Variants in EVPLL observed in about 807,000 individuals in gnomAD.
EVPLL encodes the protein envoplakin-like protein.
In EVPLL, 39 loss-of-function variants were observed where a neutral mutation model predicts 46.2. The observed-to-expected ratio is 0.84, with a 90% CI of 0.65 to 1.10. The LOEUF (loss-of-function observed/expected upper bound fraction) is 1.10. Among genes scored for constraint, EVPLL ranks in the 50% least tolerant of loss-of-function variants. The pLI, the probability that EVPLL is intolerant of heterozygous loss-of-function variation, is 0.00. For missense variants in EVPLL, 385 were observed against 412.6 expected, an observed-to-expected ratio of 0.93 and a Z score of 0.58; for synonymous variants, 156 against 165.8, an observed-to-expected ratio of 0.94 and a Z score of 0.46.
At position 18,377,909 on chromosome 17, in the gene EVPLL, C is replaced by A; in HGVS notation, c.-111C>A. 1 of 1,140,902 alleles carries A rather than the reference C, an allele frequency of 8.8e-7. No homozygotes were observed. The highest frequency in any genetic ancestry group is 1.2e-6 in the Non-Finnish European group (1 of 821,120). The allele number at this position is 1,140,902 out of a possible 1,614,324, so 70.7% of individuals were successfully genotyped here. A position where few individuals can be genotyped will look rare whatever the true frequency, so the allele number is the denominator to read the frequency against. ...CCATGTTCAAGGGACTGAGCAAAGG[C>A]TCCCAGGGGAAGGGGTCCCCCAAGG... On this transcript the variant is annotated 5_prime_UTR_variant, in exon 1 of 11. Transcript: ENST00000399134.
chr17:18,379,529 G>A (rs563908034), intron 1 of EVPLL, among the ~76,000 whole-genome samples: 8 of 152,286 alleles, frequency 5.3e-5, no homozygotes, highest in African/African-American at 1.7e-4. Context: ...GAGTGCCCAG[G>A]GCCCAGCACC....
chr17:18,384,175 A>G (rs1414908536), intron 9 of EVPLL, among the ~76,000 whole-genome samples: 1 of 151,688 alleles, frequency 6.6e-6, no homozygotes, highest in East Asian at 1.9e-4. Context: ...TGGTATAAAT[A>G]TTTCATGGGG....
chr17:18,383,883 G>T (rs1452553608), intron 9 of EVPLL, among the ~76,000 whole-genome samples: 1 of 152,198 alleles, frequency 6.6e-6, no homozygotes, highest in Non-Finnish European at 1.5e-5. Context: ...TGAGGCAGGA[G>T]AATCGCTTGA....
chr17:18,388,450 C>A lies in EVPLL; in HGVS notation c.*40+162C>A, dbSNP rs917701333. On this transcript the variant is annotated intron_variant, in intron 10 of 10. Transcript: ENST00000399134. ...CCTCCATGGGAAGGACCCTGGGAGA[C>A]CCAGCAGAGTGGGGTACCTGGGTTG... 47 of 555,668 alleles carry A rather than the reference C, an allele frequency of 8.5e-5. No individual in the cohort carries two copies. The African/African-American group carries it at 8.6e-4, about 10-fold the overall frequency. 34.4% of individuals were successfully genotyped at this position (555,668 alleles called of 1,614,324 possible).
rs112094897 is a variant in EVPLL at position 18,383,603 on chromosome 17, G to GC, written c.876+17dup. ...CTACAGCCGGGTGAGCCCTCGGGCA[G>GC]CGGCAGGGCGGCAGGGCGGCAGGGC... On this transcript the variant is annotated intron_variant, in intron 9 of 10. Coordinates refer to ENST00000399134, the MANE Select transcript of EVPLL (RefSeq NM_001145127.2). 6.4e-6 allele frequency: 5 copies of GC among 781,620 alleles called. No individual in the cohort carries two copies. The highest frequency in any genetic ancestry group is 9.3e-6 in the Non-Finnish European group (5 of 540,412). The allele number at this position is 781,620 out of a possible 1,614,324, so 48.4% of individuals were successfully genotyped here.
intron 7 of EVPLL, 23 bp from the exon 8 acceptor site, chr17:18,383,248 C>T (rs1179004511): frequency 6.4e-7 from 1 of 1,561,276 alleles, no homozygotes; most frequent in South Asian, 1.2e-5. Context: ...CTCACCGCCG[C>T]TCCCCACCCG....
intron 5 of EVPLL, 39 bp from the exon 6 acceptor site, chr17:18,382,787 C>T: frequency 3.7e-6 from 6 of 1,604,768 alleles, no homozygotes; most frequent in Non-Finnish European, 5.1e-6. Context: ...CCCTGTGCCC[C>T]ACCTCTCACG....
Position 18,381,517 on chromosome 17 carries a change from A to G in EVPLL, c.214A>G (p.Lys72Glu). The G allele has an allele frequency of 1.3e-5, 21 of 1,613,794 alleles. No individual in the cohort carries two copies. Among genetic ancestry groups the G allele is most frequent in the Non-Finnish European group, 1.6e-5 (19 of 1,179,846 alleles). Residue 72 changes from lysine (K) to glutamate (E), a missense_variant, in exon 3 of 11, where the codon AAG (lysine) becomes GAG (glutamate). Lys to Glu is a moderately conservative substitution (Grantham distance 56). Coordinates refer to ENST00000399134, the MANE Select transcript of EVPLL (RefSeq NM_001145127.2). This position sits in a 1 kb window ranked among gnomAD's most constrained non-coding sequence, Gnocchi z 4.2. ...GCACCCGCAGGCTGAGGAGACTGAG[A>G]AGGAGTGAGTGGGGCTGCGGCAGGG... ...LKHPQAEETE[K>E]DIEQLHERVT...
At chr17:18,385,042 G>C (rs1987725169) in intron 9 of EVPLL, among the ~76,000 whole-genome samples, 1 of 151,914 alleles carries the variant, frequency 6.6e-6, no homozygotes, top group Admixed American at 6.6e-5. Flanking sequence ...AAGCCAGAGA[G>C]GCAGAGGGGG....
In EVPLL at chr17:18,383,310, G is replaced by A. The variant is rs369495077; in HGVS notation, c.712G>A (p.Val238Ile). The stretch of plus-strand genomic sequence containing the variant: ...CGAGCTGCTGAGCCAGGAGCAGAGC[G>A]TAAACCAGCTGGAGGAGGACGGCAA... ...QHELLSQEQSVNQLEEDGKRM... is the reference protein window; with the variant it reads ...QHELLSQEQSINQLEEDGKRM... The change falls in exon 8 of 11, where the codon GTA (valine) becomes ATA (isoleucine). Residue 238 changes from valine (V) to isoleucine (I), a missense_variant. Transcript: ENST00000399134. The A allele has an allele frequency of 4.2e-5, 68 of 1,603,624 alleles. No individual in the cohort carries two copies. In the African/African-American group the frequency reaches 7.0e-4, roughly 16 times the overall value.
chr17:18,387,274 A>C (rs1260375876), intron 9 of EVPLL, among the ~76,000 whole-genome samples: 1 of 151,890 alleles, frequency 6.6e-6, no homozygotes, highest in Non-Finnish European at 1.5e-5. Flanking sequence ...AGAAAATCTG[A>C]AACTCTAAAT....
intron 9 of EVPLL, 69 bp from the exon 10 acceptor site, chr17:18,388,150 T>G: frequency 1.0e-6 from 1 of 954,634 alleles, no homozygotes; most frequent in Non-Finnish European, 1.6e-6. Context: ...ACCCATAGTG[T>G]AGGACCCTTA....
intron 1 of EVPLL, among the ~76,000 whole-genome samples, chr17:18,379,670 A>T (rs1158701818): frequency 5.3e-5 from 8 of 152,208 alleles, no homozygotes; most frequent in African/African-American, 1.7e-4. Flanking sequence ...CTTACTGAGC[A>T]CTTACTGCAT....
chr17:18,382,638 G>T lies in EVPLL; in HGVS notation c.472G>T (p.Gly158Ter). Residue 158 changes from glycine to a stop codon, truncating the protein, a stop_gained and splice_region_variant, in exon 5 of 11, where the codon GGA (glycine) becomes TGA (stop). Transcript: ENST00000399134. LOFTEE classifies it high-confidence loss of function. ...AGCAGCTGCGGAGCCTGGTGGGGCCGGTGGGTGAGCCGGGAAGATGTTACA... is the reference window on the plus strand; with the variant it reads ...AGCAGCTGCGGAGCCTGGTGGGGCCTGTGGGTGAGCCGGGAAGATGTTACA... ...RRAAAEPGGA[G>*]CRHHPEPIPR... 1.9e-6 allele frequency: 3 copies of T among 1,552,056 alleles called. No homozygotes were observed. In the South Asian group the frequency reaches 3.6e-5, roughly 18 times the overall value.
At chr17:18,385,676 C>A (rs571044718) in intron 9 of EVPLL, among the ~76,000 whole-genome samples, 1 of 151,734 alleles carries the variant, frequency 6.6e-6, no homozygotes, top group East Asian at 1.9e-4. Context: ...CTCAAAGCTG[C>A]AAGTCTCTCT....
intron 6 of EVPLL, 54 bp downstream of exon 6, chr17:18,382,918 C>T (rs1987633548): frequency 6.2e-7 from 1 of 1,601,264 alleles, no homozygotes; most frequent in Non-Finnish European, 8.5e-7. Context: ...TGGGTGGCCG[C>T]CCGGACCCTG....
chr17:18,383,773 G>T (rs1228509233), intron 9 of EVPLL, 186 bp downstream of exon 9: 1 of 598,792 alleles, frequency 1.7e-6, no homozygotes, highest in East Asian at 2.9e-5. Flanking sequence ...AGGAGTTCGA[G>T]ATCAGCCTGG....
intron 1 of EVPLL, among the ~76,000 whole-genome samples, chr17:18,379,000 A>C (rs1278599239): frequency 6.6e-6 from 1 of 152,192 alleles, no homozygotes; most frequent in East Asian, 1.9e-4. Context: ...GGATCACTTG[A>C]GCCCGGGAAG....
intron 1 of EVPLL, 154 bp from the exon 2 acceptor site, chr17:18,380,746 TCA>T: frequency 1.6e-6 from 1 of 645,076 alleles, no homozygotes. Flanking sequence ...CAGGTCTAGC[TCA>T]CAGAGCCTCC....
Sources: allele counts gnomAD v4.1 joint callset (sites outside exome capture counted in the v4.1 genomes callset), GRCh38; gene constraint gnomAD v4.1.1; non-coding constraint Gnocchi (gnomAD v3.1); transcripts MANE v1.5; gene names NCBI Gene and HGNC (gene_info 2026-07-23, HGNC 2026-07-21).